Variants in ZNF789 observed in about 807,000 individuals in gnomAD.
The protein encoded by ZNF789 is zinc finger protein 789.
ZNF789 carries 11 observed loss-of-function variants against 15.6 expected under a neutral mutation model. The observed-to-expected ratio is 0.70, with a 90% CI of 0.44 to 1.16. ZNF789 has a LOEUF of 1.16. Ranked by LOEUF, ZNF789 falls within the 50% of genes most tolerant of loss-of-function variation. The pLI, the probability that ZNF789 is intolerant of heterozygous loss-of-function variation, is 0.00. For synonymous variants in ZNF789, 159 were observed against 176.0 expected (o/e 0.90, Z 0.76); for missense variants, 461 against 512.6 (o/e 0.90, Z 0.97).
At chr7:99,483,558 GA>G (rs1419173012) in intron 3 of ZNF789, 1 of 605,316 alleles carries the variant, frequency 1.7e-6, no homozygotes, top group African/African-American at 1.8e-5. Flanking sequence ...TTGATCCTGG[GA>G]GGCAGAGGTT....
chr7:99,479,446 A>G (rs1799502508), intron 2 of ZNF789: 1 of 424,986 alleles, frequency 2.4e-6, no homozygotes, highest in Admixed American at 4.2e-5. Context: ...CTGGCCCTTT[A>G]GAGATTAATT....
At chr7:99,481,099 A>T (rs1335737254) in intron 3 of ZNF789, 4 of 152,226 alleles carry the variant, frequency 2.6e-5, no homozygotes, top group Non-Finnish European at 5.9e-5. Context: ...AGCATATTCT[A>T]TGTGCAATCC....
In ZNF789 at chr7:99,486,458, T is replaced by C; in HGVS notation, c.266-18T>C. ...GCAGTGGATAGGTCATTTACATCTT[T>C]TCTTGTTATTTGGCTAGGTTCTGAA... On this transcript the variant is annotated intron_variant, in intron 4 of 4. Coordinates refer to ENST00000331410, the MANE Select transcript of ZNF789 (RefSeq NM_213603.3). 14 of 1,595,466 alleles carry C rather than the reference T, an allele frequency of 8.8e-6. No homozygotes were observed. The highest frequency in any genetic ancestry group is 4.1e-5 in the African/African-American group (3 of 73,898).
rs952914786 is a variant in ZNF789 at position 99,485,246 on chromosome 7, G to A, written c.265+1103G>A. The stretch of plus-strand genomic sequence containing the variant: ...TCACATCCAAGGTTTCTCCTCCATG[G>A]CACTACTGACGTTTTGGGCTGACGA... On this transcript the variant is annotated intron_variant, in intron 4 of 4. Transcript: ENST00000331410. The A allele has an allele frequency of 5.9e-6, 9 of 1,533,800 alleles. No individual in the cohort carries two copies. The African/African-American group carries it at 9.6e-5, about 16-fold the overall frequency.
intron 1 of ZNF789, chr7:99,476,173 A>C (rs1799324235): frequency 9.0e-6 from 4 of 443,016 alleles, no homozygotes; most frequent in Non-Finnish European, 1.6e-5. Context: ...GACATGTTCT[A>C]GGGAGAAGGG....
chr7:99,485,224 C>T, intron 4 of ZNF789: 1 of 1,535,978 alleles, frequency 6.5e-7, no homozygotes, highest in Non-Finnish European at 8.7e-7. Context: ...CTGTTTTTCA[C>T]ATCCAAGGTT....
At chr7:99,485,112 G>A in intron 4 of ZNF789, 8 of 1,440,272 alleles carry the variant, frequency 5.6e-6, no homozygotes, top group African/African-American at 1.4e-5. Flanking sequence ...TCCTCTCTCG[G>A]TGCTGCCTCT....
chr7:99,479,105 C>G (rs1799482711), intron 2 of ZNF789: 1 of 152,580 alleles, frequency 6.6e-6, no homozygotes, highest in African/African-American at 2.4e-5. Flanking sequence ...TTCCACATTT[C>G]TTGTTCATGT....
chr7:99,473,950 C>T (rs1344138615), intron 1 of ZNF789, among the ~76,000 whole-genome samples: 4 of 152,182 alleles, frequency 2.6e-5, no homozygotes, highest in Admixed American at 6.5e-5. Context: ...GGGTCTTGCT[C>T]TGTCACCCAG....
At chr7:99,477,624 C>T (rs1187340670) in intron 2 of ZNF789, among the ~76,000 whole-genome samples, 1 of 152,146 alleles carries the variant, frequency 6.6e-6, no homozygotes, top group African/African-American at 2.4e-5. Flanking sequence ...CAGGTGTGAG[C>T]CACCGCGCCC....
intron 4 of ZNF789, among the ~76,000 whole-genome samples, chr7:99,486,083 C>T (rs1387455694): frequency 6.6e-6 from 1 of 152,062 alleles, no homozygotes; most frequent in Non-Finnish European, 1.5e-5. Context: ...TTTGGGAGGC[C>T]GAGGTGGGTG....
chr7:99,476,159 G>A, intron 1 of ZNF789: 1 of 399,516 alleles, frequency 2.5e-6, no homozygotes, highest in Non-Finnish European at 4.5e-6. Flanking sequence ...GAGGTGCAGA[G>A]TATGACATGT....
chr7:99,482,098 A>G, intron 3 of ZNF789: 1 of 778,724 alleles, frequency 1.3e-6, no homozygotes, highest in Admixed American at 1.7e-5. Context: ...TATGTTTCAT[A>G]TACACCTTAG....
chr7:99,478,544 C>G (rs1048302240), intron 2 of ZNF789: 2 of 415,952 alleles, frequency 4.8e-6, no homozygotes, highest in Non-Finnish European at 9.5e-6. Flanking sequence ...AACGTTTGCC[C>G]TTTCCCTGCA....
rs774342807 is a variant in ZNF789, at chr7:99,487,081, GAAA to G, written c.875_877del (p.Lys292del). 26 of 1,613,632 alleles carry G rather than the reference GAAA, an allele frequency of 1.6e-5. No individual in the cohort carries two copies. Among genetic ancestry groups the G allele is most frequent in the Non-Finnish European group, 2.2e-5 (26 of 1,179,948 alleles). On this transcript the variant is annotated inframe_deletion, in exon 5 of 5. Transcript: ENST00000331410. ...AAAACCTTATAAATGTAGCAAATGT[GAAA>G]AAACGTTTAGTCAGAATTCAACCCT... is the stretch of plus-strand genomic sequence containing the variant.
chr7:99,481,424 A>G (rs1799621208), intron 3 of ZNF789: 1 of 152,048 alleles, frequency 6.6e-6, no homozygotes, highest in African/African-American at 2.4e-5. Flanking sequence ...CAAACTTTGT[A>G]CTGTTTTGCA....
At position 99,487,347 on chromosome 7, in the gene ZNF789, T is replaced by C. The variant is rs758605680; in HGVS notation, c.1137T>C (p.Ser379=). ...GTGGAGAATGTGGGAAAACGTTTAG[T>C]TTTAAGAGGAATCTTTTTCGACATC... ...FQCGECGKTF[S]FKRNLFRHQV... is the part of the protein sequence containing the mutation. Residue 379 remains serine (S), a synonymous_variant, in exon 5 of 5, where the codon AGT becomes AGC. Transcript: ENST00000331410. 1 of 1,614,190 alleles carries C rather than the reference T, an allele frequency of 6.2e-7. No individual in the cohort carries two copies. The highest frequency in any genetic ancestry group is 8.5e-7 in the Non-Finnish European group (1 of 1,180,038).
chr7:99,474,857 C>T (rs1799229849), intron 1 of ZNF789, among the ~76,000 whole-genome samples: 2 of 152,030 alleles, frequency 1.3e-5, no homozygotes, highest in Non-Finnish European at 2.9e-5. Flanking sequence ...TGGTGGTGCA[C>T]TCTTGCAGTC....
intron 2 of ZNF789, chr7:99,478,680 C>T: frequency 3.1e-6 from 1 of 322,024 alleles, no homozygotes; most frequent in South Asian, 2.5e-5. Context: ...AGTGCTCAGC[C>T]CACTGGAGGG....
Sources: gnomAD v4.1 joint callset for allele counts (sites outside exome capture counted in the v4.1 genomes callset) on GRCh38, gnomAD v4.1.1 for gene constraint, MANE v1.5 for transcripts, NCBI Gene and HGNC (gene_info 2026-07-23, HGNC 2026-07-21) for gene names.